Variants in TENM2 observed in about 807,000 individuals in gnomAD.
TENM2 encodes teneurin transmembrane protein 2.
In TENM2, 52 loss-of-function variants were observed where a neutral mutation model predicts 245.2. The observed-to-expected ratio is 0.21, with a 90% CI of 0.17 to 0.27. The LOEUF is 0.27. TENM2 is among the 10% of genes least tolerant of loss of function. The pLI, the probability that TENM2 is intolerant of heterozygous loss-of-function variation, is 1.00. For synonymous variants in TENM2, 1,363 were observed against 1,438.9 expected (o/e 0.95, Z 1.19); for missense variants, 3,046 against 3,666.8 (o/e 0.83, Z 4.37).
intron 2 of TENM2, among the ~76,000 whole-genome samples, chr5:167,459,494 A>G (rs779379950): frequency 4.6e-5 from 7 of 152,166 alleles, no homozygotes; most frequent in East Asian, 3.9e-4. Context: ...TCTATATTCA[A>G]TCCTTTGGGG....
intron 12 of TENM2, among the ~76,000 whole-genome samples, chr5:168,148,056 C>T (rs1756265520): frequency 6.6e-6 from 1 of 152,172 alleles, no homozygotes; most frequent in African/African-American, 2.4e-5. Flanking sequence ...TTGGAAAAAT[C>T]AGTCATGCTT....
intron 1 of TENM2, among the ~76,000 whole-genome samples, chr5:167,355,126 G>C (rs1259781837): frequency 6.6e-6 from 1 of 152,196 alleles, no homozygotes; most frequent in African/African-American, 2.4e-5. Flanking sequence ...TTCCGTAGTT[G>C]GTTCTTAGCA....
intron 2 of TENM2, among the ~76,000 whole-genome samples, chr5:167,656,925 A>G (rs10223130): frequency 0.017 from 2,472 of 149,130 alleles, 36 homozygotes; most frequent in Non-Finnish European, 0.023. Context: ...TCACGTATCT[A>G]TCTTCTCAAA....
At chr5:167,017,098 G>A in the TENM2 span, among the ~76,000 whole-genome samples, 5 of 152,130 alleles carry the variant, frequency 3.3e-5, no homozygotes, top group African/African-American at 4.8e-5. Context: ...GTTTACAGAG[G>A]AGATAACTGA....
chr5:168,154,068 C>T (rs143866094), intron 12 of TENM2, among the ~76,000 whole-genome samples: 6 of 144,014 alleles, frequency 4.2e-5, no homozygotes, highest in South Asian at 2.2e-4. Context: ...GAGTAACTGA[C>T]GTGGGATTTC....
At chr5:167,580,091 C>T (rs548740604) in intron 2 of TENM2, among the ~76,000 whole-genome samples, 4 of 152,274 alleles carry the variant, frequency 2.6e-5, no homozygotes, top group Admixed American at 6.5e-5. Flanking sequence ...CTATAGAGTA[C>T]GGTCCTGATT....
intron 2 of TENM2, among the ~76,000 whole-genome samples, chr5:167,608,551 G>A (rs1221493108): frequency 5.9e-5 from 9 of 152,260 alleles, no homozygotes; most frequent in Non-Finnish European, 1.2e-4. Flanking sequence ...ACATTAAATC[G>A]GGGGGCACTT....
At chr5:167,124,472 G>T in the TENM2 span, among the ~76,000 whole-genome samples, 1 of 152,106 alleles carries the variant, frequency 6.6e-6, no homozygotes, top group Non-Finnish European at 1.5e-5. Context: ...CCCATTGTAG[G>T]CATTCAATAT....
the TENM2 span, among the ~76,000 whole-genome samples, chr5:167,146,985 G>T: frequency 6.6e-6 from 1 of 152,112 alleles, no homozygotes; most frequent in African/African-American, 2.4e-5. Context: ...CGCAGTGATA[G>T]AACGTTTGAA....
At chr5:167,250,296 G>A in the TENM2 span, among the ~76,000 whole-genome samples, 3 of 152,020 alleles carry the variant, frequency 2.0e-5, no homozygotes, top group Non-Finnish European at 4.4e-5. Context: ...ACTCCAGCCT[G>A]GGTGACACAG....
the TENM2 span, among the ~76,000 whole-genome samples, chr5:167,242,529 GACA>G: frequency 3.9e-5 from 6 of 152,080 alleles, no homozygotes; most frequent in African/African-American, 1.2e-4. Context: ...CTGCCCCTAA[GACA>G]ACAAGACCAA....
At chr5:168,197,837 C>T (rs1441558341) in intron 15 of TENM2, among the ~76,000 whole-genome samples, 3 of 152,108 alleles carry the variant, frequency 2.0e-5, no homozygotes, top group African/African-American at 7.2e-5. Flanking sequence ...AGGTAATACA[C>T]CTCCATCCAG....
In TENM2 at chr5:167,894,517, G is replaced by A. The variant is rs74552706; in HGVS notation, c.712+18322G>A. 1.3e-3 allele frequency among the ~76,000 whole-genome samples: 194 copies of A among 152,114 alleles called. 1 individual carries two copies. Among genetic ancestry groups the A allele is most frequent in the African/African-American group, 4.2e-3 (174 of 41,488 alleles). On this transcript the variant is annotated intron_variant, in intron 3 of 28. Transcript: ENST00000518659. ...AACATCCAAACTCTTTCCTCTGACAGCCTTGTACTTCCTGTTCCATCTGCC... is the reference window on the plus strand; with the variant it reads ...AACATCCAAACTCTTTCCTCTGACAACCTTGTACTTCCTGTTCCATCTGCC...
chr5:167,529,930 T>A (rs1409516929), intron 2 of TENM2, among the ~76,000 whole-genome samples: 2 of 152,132 alleles, frequency 1.3e-5, no homozygotes, highest in South Asian at 2.1e-4. Context: ...AAAATTCAAT[T>A]CATTGGGGTG....
intron 13 of TENM2, among the ~76,000 whole-genome samples, chr5:168,172,791 T>C (rs983980065): frequency 6.6e-6 from 1 of 151,662 alleles, no homozygotes; most frequent in Non-Finnish European, 1.5e-5. Context: ...CAGGGGAGAG[T>C]TGAGCAGCTG....
chr5:167,056,702 T>A, the TENM2 span, among the ~76,000 whole-genome samples: 2 of 149,130 alleles, frequency 1.3e-5, no homozygotes, highest in Admixed American at 6.8e-5. Context: ...ATTTTATTAA[T>A]ATTGACCTTT....
At chr5:167,518,451 A>T (rs1562021261) in intron 2 of TENM2, among the ~76,000 whole-genome samples, 1 of 152,188 alleles carries the variant, frequency 6.6e-6, no homozygotes, top group Non-Finnish European at 1.5e-5. Context: ...CATTAGATTG[A>T]ATCATATATA....
At chr5:167,452,462 G>T (rs1475767410) in intron 2 of TENM2, among the ~76,000 whole-genome samples, 2 of 152,158 alleles carry the variant, frequency 1.3e-5, no homozygotes, top group Admixed American at 1.3e-4. Flanking sequence ...TTCCCAGGGC[G>T]ACAGCCAGTT....
the TENM2 span, among the ~76,000 whole-genome samples, chr5:167,130,888 CTTTTTTTTTTTTT>C: frequency 1.5e-4 from 11 of 73,356 alleles, no homozygotes; most frequent in East Asian, 3.8e-4. Flanking sequence ...GTGTTAAATG[CTTTTTTTTTTTTT>C]TTTTTTTTTT....
Sources: gnomAD v4.1 joint callset for allele counts (sites outside exome capture counted in the v4.1 genomes callset) on GRCh38, gnomAD v4.1.1 for gene constraint, MANE v1.5 for transcripts, NCBI Gene and HGNC (gene_info 2026-07-23, HGNC 2026-07-21) for gene names.